Variants in CPT1C observed in about 807,000 individuals in gnomAD.
The protein encoded by CPT1C is carnitine palmitoyltransferase 1C.
A neutral mutation model predicts 97.3 loss-of-function variants in CPT1C; 61 were observed. The ratio of observed to expected loss-of-function variants is 0.63; its 90% CI spans 0.51 to 0.78. The LOEUF (loss-of-function observed/expected upper bound fraction) is 0.78, where lower values mean the gene tolerates loss of function less well. CPT1C is among the 30% of genes least tolerant of loss of function. The probability of loss-of-function intolerance (pLI) is 0.00; values close to 1 mark genes in which losing one functional copy is unlikely to be tolerated. For synonymous variants in CPT1C, 469 were observed against 447.2 expected (o/e 1.05, Z -0.61); for missense variants, 975 against 1,065.5 (o/e 0.92, Z 1.18).
intron 17 of CPT1C, chr19:49,712,343 C>CA (rs750870666): frequency 0.048 from 5,669 of 118,864 alleles, 9 homozygotes; most frequent in South Asian, 0.071. Flanking sequence ...GACTCTGTCT[C>CA]AAAAAAAAAA....
rs1253151142 is a variant in CPT1C at position 49,713,258 on chromosome 19, C to T, written c.2227-162C>T. 9 of 760,750 alleles carry T rather than the reference C, an allele frequency of 1.2e-5. No individual in the cohort carries two copies. The South Asian group carries it at 1.2e-4, about 11-fold the overall frequency. 47.1% of individuals were successfully genotyped at this position (760,750 alleles called of 1,614,324 possible). On this transcript the variant is annotated intron_variant, in intron 19 of 19. Coordinates refer to ENST00000598293, the MANE Select transcript of CPT1C (RefSeq NM_001199753.2). ...CCCCCAGCCCCTCCTCCCTCAGACC[C>T]GGGAGTCCAGGCCCCCAGCCCCTCC...
chr19:49,706,443 A>G lies in CPT1C; in HGVS notation c.1343+30A>G. On this transcript the variant is annotated intron_variant, in intron 12 of 19. Transcript: ENST00000598293. This position sits in a 1 kb window ranked among gnomAD's most constrained non-coding sequence, Gnocchi z 4.8. ...GTGAGTCTTGGGATGGGGCCCCCAGATGTGGCACCCGAGAATCCAGTATCA... is the reference window on the plus strand; with the variant it reads ...GTGAGTCTTGGGATGGGGCCCCCAGGTGTGGCACCCGAGAATCCAGTATCA... The G allele has an allele frequency of 7.0e-7, 1 of 1,435,468 alleles. No individual in the cohort carries two copies. Among genetic ancestry groups the G allele is most frequent in the Non-Finnish European group, 9.1e-7 (1 of 1,101,980 alleles). The allele number at this position is 1,435,468 out of a possible 1,614,324, so 88.9% of individuals were successfully genotyped here.
intron 14 of CPT1C, 79 bp from the exon 15 acceptor site, chr19:49,710,241 C>G (rs567197873): frequency 7.8e-6 from 11 of 1,413,752 alleles, no homozygotes; most frequent in Non-Finnish European, 1.1e-5. Flanking sequence ...CATCCACCTC[C>G]GCTTCCAGCC....
chr19:49,712,343 C>CAAAAAAAAA (rs750870666), intron 17 of CPT1C: 9 of 119,478 alleles, frequency 7.5e-5, no homozygotes, highest in East Asian at 6.9e-4. Context: ...GACTCTGTCT[C>CAAAAAAAAA]AAAAAAAAAA....
At chr19:49,709,555 A>AT (rs546388616) in intron 14 of CPT1C, among the ~76,000 whole-genome samples, 6,049 of 122,100 alleles carry the variant, frequency 0.05, 212 homozygotes, top group African/African-American at 0.098. Context: ...CCCTATCCCC[A>AT]TTTTTTTTTT....
chr19:49,693,988 C>T (rs2082498512), intron 3 of CPT1C, among the ~76,000 whole-genome samples: 1 of 151,906 alleles, frequency 6.6e-6, no homozygotes, highest in South Asian at 2.1e-4. Context: ...TGGCGTGAAT[C>T]CGGGAGGCGG....
chr19:49,699,814 C>T (rs1358191154), intron 4 of CPT1C, among the ~76,000 whole-genome samples: 5 of 152,024 alleles, frequency 3.3e-5, no homozygotes, highest in East Asian at 1.9e-4. Context: ...ATTAGCTGGG[C>T]GTGGTGGCGG....
At chr19:49,712,459 A>G (rs924049375) in intron 17 of CPT1C, 12 of 464,294 alleles carry the variant, frequency 2.6e-5, no homozygotes, top group African/African-American at 1.4e-4. Flanking sequence ...GGAGCAGACA[A>G]AAGGGGAGAG....
At chr19:49,705,836 T>C in intron 10 of CPT1C, 73 bp from the exon 11 acceptor site, 1 of 1,345,688 alleles carries the variant, frequency 7.4e-7, no homozygotes, top group African/African-American at 1.5e-5. Flanking sequence ...ACCTAAGAAG[T>C]ATATAATAAA....
chr19:49,693,780 C>T (rs1189915016), intron 3 of CPT1C, among the ~76,000 whole-genome samples: 2 of 152,028 alleles, frequency 1.3e-5, no homozygotes, highest in East Asian at 1.9e-4. Flanking sequence ...AAAGACAGGT[C>T]GGGCACGGTG....
Position 49,711,976 on chromosome 19 carries a change from A to G in CPT1C, c.2019+15A>G. The G allele has an allele frequency of 6.2e-7, 1 of 1,612,764 alleles. No homozygotes were observed. Among genetic ancestry groups the G allele is most frequent in the East Asian group, 2.2e-5 (1 of 44,846 alleles). The stretch of plus-strand genomic sequence containing the variant: ...TCCTGACCCAGGTTGGGGCACAGGG[A>G]AAGGGTTAGAGAGGGAAGTGGGAGA... On this transcript the variant is annotated intron_variant, in intron 17 of 19. Transcript: ENST00000598293.
At chr19:49,712,651 A>G in intron 17 of CPT1C, 85 bp from the exon 18 acceptor site, 1 of 1,009,274 alleles carries the variant, frequency 9.9e-7, no homozygotes. Context: ...GTAAAAAAAA[A>G]GCCAGGGATG....
intron 4 of CPT1C, among the ~76,000 whole-genome samples, chr19:49,700,360 G>A (rs2123256286): frequency 6.6e-6 from 1 of 152,228 alleles, no homozygotes; most frequent in African/African-American, 2.4e-5. Flanking sequence ...CAAGCTCCCA[G>A]GCAGTGCTCC....
rs767148126 is a variant in CPT1C, at chr19:49,701,486, C to G, written c.556-11C>G. The G allele has an allele frequency of 1.2e-6, 2 of 1,601,038 alleles. No individual in the cohort carries two copies. The highest frequency in any genetic ancestry group is 1.7e-6 in the Non-Finnish European group (2 of 1,170,578). On this transcript the variant is annotated splice_polypyrimidine_tract_variant and intron_variant, in intron 6 of 19. Transcript: ENST00000598293. ...GGCCGGGGGCGTGACCTGCCCTCTT[C>G]TCCCCTTTAGTACCTGGAGTCGGTC...
chr19:49,695,358 A>G (rs2082611062), intron 3 of CPT1C, among the ~76,000 whole-genome samples: 1 of 135,364 alleles, frequency 7.4e-6, no homozygotes, highest in African/African-American at 2.8e-5. Flanking sequence ...ATCTTGGCTC[A>G]CTCCAATTTC....
chr19:49,708,635 A>C (rs992454101), intron 13 of CPT1C, 88 bp from the exon 14 acceptor site: 6 of 938,288 alleles, frequency 6.4e-6, no homozygotes, highest in Non-Finnish European at 8.8e-6. Flanking sequence ...CCCCTACCCG[A>C]AAAAGGGCTG....
intron 12 of CPT1C, 42 bp from the exon 13 acceptor site, chr19:49,707,476 T>C: frequency 7.0e-7 from 1 of 1,434,630 alleles, no homozygotes; most frequent in Non-Finnish European, 9.8e-7. Flanking sequence ...GAGGTCCCCG[T>C]GCCCCTCGCT....
At chr19:49,690,835 G>A (rs868784646), upstream of CPT1C, 5 of 230,874 alleles carry the variant, frequency 2.2e-5, no homozygotes, top group Non-Finnish European at 4.2e-5. This position sits in a 1 kb window ranked among gnomAD's most constrained non-coding sequence, Gnocchi z 4.4. Flanking sequence ...CTACGCGCCT[G>A]ACGTTATAAT....
At chr19:49,690,827 A>C, upstream of CPT1C, 2 of 230,974 alleles carry the variant, frequency 8.7e-6, no homozygotes, top group Non-Finnish European at 8.4e-6. This position sits in a 1 kb window ranked among gnomAD's most constrained non-coding sequence, Gnocchi z 4.4. Flanking sequence ...CCGGCACCCT[A>C]CGCGCCTGAC....
Sources: allele counts gnomAD v4.1 joint callset (sites outside exome capture counted in the v4.1 genomes callset), GRCh38; gene constraint gnomAD v4.1.1; non-coding constraint Gnocchi (gnomAD v3.1); transcripts MANE v1.5; gene names NCBI Gene and HGNC (gene_info 2026-07-23, HGNC 2026-07-21).